Variants in PTPN21 observed in about 807,000 individuals in gnomAD.
PTPN21 encodes the protein tyrosine-protein phosphatase non-receptor type 21.
A neutral mutation model predicts 131.8 loss-of-function variants in PTPN21; 77 were observed. The observed-to-expected ratio is 0.58, with a 90% CI of 0.49 to 0.71. The LOEUF (loss-of-function observed/expected upper bound fraction) is 0.71. PTPN21 is among the 30% of genes least tolerant of loss of function. The pLI, the probability that PTPN21 is intolerant of heterozygous loss-of-function variation, is 0.00. For missense variants in PTPN21, 1,552 were observed against 1,527.1 expected (o/e 1.02, Z -0.27); for synonymous variants, 715 against 621.3 (o/e 1.15, Z -2.24).
Position 88,485,131 on chromosome 14 carries a change from GGGA to G in PTPN21, c.1020_1022del (p.Pro343del). The G allele has an allele frequency of 6.2e-7, 1 of 1,606,780 alleles. No homozygotes were observed. Among genetic ancestry groups the G allele is most frequent in the South Asian group, 1.1e-5 (1 of 90,382 alleles). ...GTCCATTATAGTGCAACTGCGGTGGGGGAGGCATCACGTAGGGCTGGGGTTTAG... is the reference window on the plus strand; with the variant it reads ...GTCCATTATAGTGCAACTGCGGTGGGGGCATCACGTAGGGCTGGGGTTTAG... On this transcript the variant is annotated inframe_deletion, in exon 12 of 19. Coordinates refer to ENST00000556564, the MANE Select transcript of PTPN21 (RefSeq NM_007039.4).
At chr14:88,526,549 A>AC (rs2078480795) in intron 2 of PTPN21, among the ~76,000 whole-genome samples, 1 of 15,480 alleles carries the variant, frequency 6.5e-5, no homozygotes, top group Non-Finnish European at 4.5e-4. Context: ...GATGATCTCA[A>AC]AAAAAAAAAA....
At position 88,515,226 on chromosome 14, in the gene PTPN21, TC is replaced by T. The variant is rs548886292; in HGVS notation, c.350+1865del. The T allele has an allele frequency of 5.9e-5, 9 of 152,226 alleles. No individual in the cohort carries two copies. In the South Asian group the frequency reaches 1.9e-3, roughly 32 times the overall value. 9.4% of individuals were successfully genotyped at this position (152,226 alleles called of 1,614,324 possible). A position where few individuals can be genotyped will look rare whatever the true frequency, so the allele number is the denominator to read the frequency against. On this transcript the variant is annotated intron_variant, in intron 3 of 18. Transcript: ENST00000556564. ...TTTTGTTATATATAGCTATACTTAA[TC>T]CTTACCGATACAACTTCTCTATCAG... is the stretch of plus-strand genomic sequence containing the variant.
chr14:88,495,007 T>C (rs1231984164), intron 10 of PTPN21, among the ~76,000 whole-genome samples: 3 of 94,786 alleles, frequency 3.2e-5, no homozygotes, highest in African/African-American at 4.0e-5. Flanking sequence ...AGCGAGACTC[T>C]GTCTCCAAAA....
At chr14:88,491,644 A>C (rs145521009) in intron 10 of PTPN21, among the ~76,000 whole-genome samples, 107 of 152,362 alleles carry the variant, frequency 7.0e-4, no homozygotes, top group Non-Finnish European at 1.4e-3. Flanking sequence ...TTAAAAGCTA[A>C]TATTAAAAGC....
chr14:88,527,691 C>T (rs1416624681), intron 2 of PTPN21, among the ~76,000 whole-genome samples: 1 of 152,102 alleles, frequency 6.6e-6, no homozygotes, highest in Non-Finnish European at 1.5e-5. Flanking sequence ...GTTTTTGCTG[C>T]ATTTGTTTTT....
intron 1 of PTPN21, among the ~76,000 whole-genome samples, chr14:88,551,037 G>C (rs1459933093): frequency 1.3e-5 from 2 of 152,172 alleles, no homozygotes. Context: ...GGCCCCAAAA[G>C]AGCTAGGTTT....
chr14:88,512,411 G>A (rs2078199487), intron 3 of PTPN21: 1 of 152,024 alleles, frequency 6.6e-6, no homozygotes, highest in Non-Finnish European at 1.5e-5. Context: ...ACATTTAATG[G>A]ATGTTTCTAA....
chr14:88,480,464 C>G (rs2077637339), intron 12 of PTPN21, 112 bp from the exon 13 acceptor site: 14 of 884,726 alleles, frequency 1.6e-5, no homozygotes, highest in Non-Finnish European at 2.4e-5. Context: ...TTGTAAAAAT[C>G]CCCGCTAGAA....
intron 10 of PTPN21, among the ~76,000 whole-genome samples, chr14:88,487,990 G>A (rs916779178): frequency 7.1e-6 from 1 of 139,904 alleles, no homozygotes; most frequent in Non-Finnish European, 1.6e-5. Context: ...AAAAAATAGT[G>A]CCCAGAATTT....
chr14:88,505,255 A>G, intron 5 of PTPN21, 49 bp downstream of exon 5: 1 of 1,358,272 alleles, frequency 7.4e-7, no homozygotes. Context: ...TTAAGGGTAT[A>G]GGAATAAACT....
chr14:88,525,079 C>CA (rs2078455061), intron 2 of PTPN21, among the ~76,000 whole-genome samples: 1 of 150,036 alleles, frequency 6.7e-6, no homozygotes, highest in African/African-American at 2.5e-5. Flanking sequence ...TTTGCCTCTA[C>CA]AAAAAATAAA....
intron 5 of PTPN21, 109 bp downstream of exon 5, chr14:88,505,195 A>G (rs898567038): frequency 2.7e-5 from 25 of 916,982 alleles, no homozygotes; most frequent in Non-Finnish European, 3.3e-6. Context: ...TTTTTTTATA[A>G]TCCTATTCCT....
Position 88,482,916 on chromosome 14 carries a change from A to G in PTPN21, c.1078+2160T>C, listed in dbSNP as rs3742684. On this transcript the variant is annotated intron_variant, in intron 12 of 18. Transcript: ENST00000556564. Reference sequence around the variant, plus strand: ...GAAGCAGCACACAGAGAGTACTCTTATAAGTCAGTGAGAAAGGGCTGGGCA... The same window carrying G: ...GAAGCAGCACACAGAGAGTACTCTTGTAAGTCAGTGAGAAAGGGCTGGGCA... 9.2e-5 allele frequency among the ~76,000 whole-genome samples: 14 copies of G among 151,840 alleles called. No individual in the cohort carries two copies. The East Asian group carries it at 1.2e-3, about 13-fold the overall frequency.
At chr14:88,527,672 T>G (rs918870505) in intron 2 of PTPN21, among the ~76,000 whole-genome samples, 2 of 152,210 alleles carry the variant, frequency 1.3e-5, no homozygotes, top group Non-Finnish European at 2.9e-5. Context: ...TTAAATCTCA[T>G]CTATTTTTGT....
rs2077356032 is a variant in PTPN21, at chr14:88,465,938, AC to A, written c.*2198del. On this transcript the variant is annotated 3_prime_UTR_variant, in exon 19 of 19. Transcript: ENST00000556564. Reference sequence around the variant, plus strand: ...TCAGAAGTTTACTTATCAAATTATTACAACAGGAACACAAATAGACCACATA... The same window carrying A: ...TCAGAAGTTTACTTATCAAATTATTAAACAGGAACACAAATAGACCACATA... 6.6e-6 allele frequency: 1 copy of A among 152,208 alleles called. No homozygotes were observed. Among genetic ancestry groups the A allele is most frequent in the Admixed American group, 6.5e-5 (1 of 15,288 alleles). The allele number at this position is 152,208 out of a possible 1,614,324, so 9.4% of individuals were successfully genotyped here.
rs763050578 is a variant in PTPN21, at chr14:88,473,730, G to A, written c.2584C>T (p.Leu862=). Residue 862 remains leucine (L), a synonymous_variant, in exon 14 of 19, where the codon CTA becomes TTA. Coordinates refer to ENST00000556564, the MANE Select transcript of PTPN21 (RefSeq NM_007039.4). ...TCATCAGGCAGAGGCACTCGAGATA[G>A]GGAGAGTCCATTTAGGGCAGCCAGT... ...LKLAALNGLS[L]SRVPLPDEGK... is the part of the protein sequence containing the mutation. The A allele has an allele frequency of 6.8e-6, 11 of 1,611,616 alleles. No homozygotes were observed. The highest frequency in any genetic ancestry group is 1.7e-5 in the Admixed American group (1 of 59,226).
At chr14:88,550,206 C>T in intron 2 of PTPN21, 32 bp downstream of exon 2, 2 of 1,596,142 alleles carry the variant, frequency 1.3e-6, no homozygotes, top group South Asian at 1.1e-5. Flanking sequence ...GAGCCACCCG[C>T]GCCTGGCCTG....
intron 2 of PTPN21, among the ~76,000 whole-genome samples, chr14:88,518,976 TACACACACACACATAC>T (rs903507116): frequency 1.4e-4 from 11 of 77,654 alleles, no homozygotes; most frequent in African/African-American, 4.4e-4. Flanking sequence ...TCTCTCTCCC[TACACACACACACATAC>T]ACACACACAC....
chr14:88,495,820 T>A (rs759151889), intron 10 of PTPN21, among the ~76,000 whole-genome samples: 1 of 152,114 alleles, frequency 6.6e-6, no homozygotes, highest in Admixed American at 6.6e-5. Context: ...AAATGATCAC[T>A]GGACGAAAGT....
Sources: gnomAD v4.1 joint callset for allele counts (sites outside exome capture counted in the v4.1 genomes callset) on GRCh38, gnomAD v4.1.1 for gene constraint, MANE v1.5 for transcripts, NCBI Gene and HGNC (gene_info 2026-07-23, HGNC 2026-07-21) for gene names.